SYT1: variants seen among roughly 807,000 people sequenced by gnomAD.
SYT1 encodes synaptotagmin-1.
Under a neutral mutation model 44.8 loss-of-function variants are expected in SYT1, and 8 were observed. That is an observed-to-expected ratio of 0.18 (90% CI 0.10 to 0.32). SYT1 has a LOEUF of 0.32. Among genes scored for constraint, SYT1 ranks in the 10% least tolerant of loss-of-function variants. The pLI, the probability that SYT1 is intolerant of heterozygous loss-of-function variation, is 1.00. For missense variants in SYT1, 286 were observed against 509.3 expected (o/e 0.56, Z 4.22); for synonymous variants, 154 against 188.8 (o/e 0.82, Z 1.51).
In SYT1 at chr12:79,122,596, G is replaced by A. The variant is rs73355556; in HGVS notation, c.-18+75234G>A. Among the ~76,000 whole-genome samples the A allele has an allele frequency of 8.0e-3, 1,174 of 147,578 alleles. 17 individuals carry two copies. The highest frequency in any genetic ancestry group is 0.028 in the African/African-American group (1,121 of 40,016). On this transcript the variant is annotated intron_variant, in intron 3 of 10. Transcript: ENST00000261205. Reference sequence around the variant, plus strand: ...AGTTATTAAAAATTTCCAATAAATTGAGCTATTACTAAACTGGAATATACC... The same window carrying A: ...AGTTATTAAAAATTTCCAATAAATTAAGCTATTACTAAACTGGAATATACC...
At chr12:79,281,274 G>C (rs2138812220) in intron 4 of SYT1, among the ~76,000 whole-genome samples, 1 of 152,156 alleles carries the variant, frequency 6.6e-6, no homozygotes, top group South Asian at 2.1e-4. Context: ...TGGATGAGTG[G>C]ATAAAGAAAA....
Position 79,314,854 on chromosome 12 carries a change from T to C in SYT1, c.810+15303T>C, listed in dbSNP as rs147965284. Among the ~76,000 whole-genome samples the C allele has an allele frequency of 1.3e-3, 202 of 152,286 alleles. 4 individuals carry two copies. Among genetic ancestry groups the C allele is most frequent in the African/African-American group, 4.6e-3 (192 of 41,544 alleles). ...TGATGAATGGATAAGCAAAATGTGG[T>C]ATATCCATACAATAGAAAATTACTT... On this transcript the variant is annotated intron_variant, in intron 8 of 10. Transcript: ENST00000261205.
intron 4 of SYT1, among the ~76,000 whole-genome samples, chr12:79,265,992 G>A (rs750186229): frequency 6.6e-6 from 1 of 152,140 alleles, no homozygotes; most frequent in Non-Finnish European, 1.5e-5. Context: ...ACGTGCATAC[G>A]TTTTCTAAAT....
intron 2 of SYT1, among the ~76,000 whole-genome samples, chr12:78,998,496 A>C (rs1870522646): frequency 6.6e-6 from 1 of 152,208 alleles, no homozygotes; most frequent in Admixed American, 6.5e-5. Flanking sequence ...CCCAGCACCT[A>C]GCATAGGGCC....
intron 4 of SYT1, among the ~76,000 whole-genome samples, chr12:79,251,571 C>T (rs1347908403): frequency 3.3e-5 from 5 of 152,136 alleles, no homozygotes; most frequent in Non-Finnish European, 1.5e-5. Flanking sequence ...CTATGGATAA[C>T]CACACTCTGT....
chr12:79,093,145 T>G (rs1877893009), intron 3 of SYT1, among the ~76,000 whole-genome samples: 1 of 151,694 alleles, frequency 6.6e-6, no homozygotes, highest in African/African-American at 2.4e-5. Flanking sequence ...ACTTAGCGTA[T>G]TAAATAGGCC....
intron 6 of SYT1, among the ~76,000 whole-genome samples, chr12:79,294,226 G>T (rs1239777083): frequency 6.6e-6 from 1 of 151,856 alleles, no homozygotes; most frequent in East Asian, 1.9e-4. Flanking sequence ...ATAACACTGA[G>T]AATTTTTTTA....
intron 4 of SYT1, among the ~76,000 whole-genome samples, chr12:79,218,784 T>C (rs1434789813): frequency 6.6e-6 from 1 of 152,210 alleles, no homozygotes; most frequent in Non-Finnish European, 1.5e-5. Context: ...CTTGGGTTGA[T>C]TCCATGTCTT....
chr12:79,357,779 TC>T (rs1180172400), intron 9 of SYT1, among the ~76,000 whole-genome samples: 1 of 152,200 alleles, frequency 6.6e-6, no homozygotes, highest in Non-Finnish European at 1.5e-5. Context: ...AATCAAGACT[TC>T]TGCCTCTTAA....
chr12:79,170,565 A>G (rs1008621974), intron 3 of SYT1, among the ~76,000 whole-genome samples: 3 of 151,680 alleles, frequency 2.0e-5, no homozygotes, highest in Admixed American at 1.3e-4. Context: ...TTTTTTGTAC[A>G]TTTGTTTAAG....
At chr12:79,010,706 G>A (rs1001562184) in intron 2 of SYT1, among the ~76,000 whole-genome samples, 3 of 152,024 alleles carry the variant, frequency 2.0e-5, no homozygotes, top group Non-Finnish European at 4.4e-5. Flanking sequence ...GACTCATAAA[G>A]TCCTGTCCTG....
At chr12:79,134,838 A>T (rs564426204) in intron 3 of SYT1, among the ~76,000 whole-genome samples, 2 of 152,192 alleles carry the variant, frequency 1.3e-5, no homozygotes, top group South Asian at 4.2e-4. Flanking sequence ...GATGGAGAAA[A>T]TAAGGAGATG....
At chr12:79,310,073 A>G (rs994876603) in intron 8 of SYT1, among the ~76,000 whole-genome samples, 4 of 152,172 alleles carry the variant, frequency 2.6e-5, no homozygotes, top group African/African-American at 9.7e-5. Context: ...TTGGTGTTTT[A>G]GACATGAAGT....
Position 79,002,963 on chromosome 12 carries a change from T to C in SYT1, c.-84+25032T>C, listed in dbSNP as rs1005854028. On this transcript the variant is annotated intron_variant, in intron 2 of 10. Transcript: ENST00000261205. ...AAGGAGTGTTACAAACTATACAAAC[T>C]ATACAGAGTGCAGAAATCACTTGAC... 3.9e-5 allele frequency among the ~76,000 whole-genome samples: 6 copies of C among 152,000 alleles called. No homozygotes were observed. The South Asian group carries it at 1.2e-3, about 31-fold the overall frequency.
chr12:79,086,707 G>A (rs1877405627), intron 3 of SYT1, among the ~76,000 whole-genome samples: 2 of 152,242 alleles, frequency 1.3e-5, no homozygotes, highest in Non-Finnish European at 2.9e-5. Flanking sequence ...AATCACTGCC[G>A]GGGTTGTCAA....
chr12:79,302,244 A>G, intron 8 of SYT1, among the ~76,000 whole-genome samples: 1 of 152,176 alleles, frequency 6.6e-6, no homozygotes, highest in East Asian at 1.9e-4. Flanking sequence ...TATCAAAGAA[A>G]GTGAGAAAAA....
At chr12:79,048,289 G>T (rs1874221340) in intron 3 of SYT1, among the ~76,000 whole-genome samples, 1 of 151,660 alleles carries the variant, frequency 6.6e-6, no homozygotes, top group Non-Finnish European at 1.5e-5. Context: ...ATAAAAAGTA[G>T]AAATTTCTAA....
intron 10 of SYT1, among the ~76,000 whole-genome samples, chr12:79,445,040 C>T (rs981691919): frequency 6.6e-6 from 1 of 151,866 alleles, no homozygotes; most frequent in African/African-American, 2.4e-5. Flanking sequence ...AAATAATTGG[C>T]GCAGGTGTAT....
intron 3 of SYT1, among the ~76,000 whole-genome samples, chr12:79,049,509 C>A (rs1057374734): frequency 1.3e-5 from 2 of 151,770 alleles, no homozygotes; most frequent in African/African-American, 4.8e-5. Context: ...TATAATTTAT[C>A]CTTTAAAAAT....
Sources: allele counts gnomAD v4.1 joint callset (sites outside exome capture counted in the v4.1 genomes callset), GRCh38; gene constraint gnomAD v4.1.1; transcripts MANE v1.5; gene names NCBI Gene and HGNC (gene_info 2026-07-23, HGNC 2026-07-21).